The following EXTL1 variants were observed in gnomAD, a reference collection of about 807,000 sequenced individuals.
The protein encoded by EXTL1 is exostosin-like 1.
A neutral mutation model predicts 64.6 loss-of-function variants in EXTL1; 43 were observed. The ratio of observed to expected loss-of-function variants is 0.67; its 90% CI spans 0.52 to 0.86. The LOEUF (loss-of-function observed/expected upper bound fraction) is 0.86, where lower values mean the gene tolerates loss of function less well. Among genes scored for constraint, EXTL1 ranks in the 40% least tolerant of loss-of-function variants. EXTL1 has a pLI of 0.00. For missense variants in EXTL1, 766 were observed against 879.0 expected, an observed-to-expected ratio of 0.87 and a Z score of 1.62; for synonymous variants, 352 against 360.5, an observed-to-expected ratio of 0.98 and a Z score of 0.27.
chr1:26,029,195 C>T lies in EXTL1; in HGVS notation c.782C>T (p.Thr261Ile). ...RCEQDPGPGQ[T>I]QRQETLPNAT... The stretch of plus-strand genomic sequence containing the variant: ...GACCTCCCCATGTGCCTCTTTAGGA[C>T]CCAGCGCCAGGAGACGCTGCCCAAT... Residue 261 changes from threonine (T) to isoleucine (I), a missense_variant and splice_region_variant, in exon 2 of 11, where the codon ACC becomes ATC. By Grantham distance (89) the Thr-to-Ile change is moderately conservative. This residue lies in a region of EXTL1 where 571 missense variants were observed against 647.6 expected (regional missense o/e 0.88). Coordinates refer to ENST00000374280, the MANE Select transcript of EXTL1 (RefSeq NM_004455.3). The T allele has an allele frequency of 6.2e-7, 1 of 1,612,596 alleles. No homozygotes were observed. The highest frequency in any genetic ancestry group is 8.5e-7 in the Non-Finnish European group (1 of 1,178,922).
At chr1:26,030,802 G>A (rs1029441728) in intron 4 of EXTL1, among the ~76,000 whole-genome samples, 3 of 152,122 alleles carry the variant, frequency 2.0e-5, no homozygotes, top group Non-Finnish European at 2.9e-5. Context: ...AGAGAAGACC[G>A]CTGTGGCAAA....
chr1:26,022,539 C>T lies in EXTL1; in HGVS notation c.-108C>T, dbSNP rs552567663. 1.5e-5 allele frequency: 13 copies of T among 864,780 alleles called. No homozygotes were observed. The East Asian group carries it at 2.9e-4, about 20-fold the overall frequency. The allele number at this position is 864,780 out of a possible 1,614,324, so 53.6% of individuals were successfully genotyped here. ...TCTTCCCATCTGTACAATGACAGCA[C>T]AGGACTAGCAGGTCGGTCCCAGCTC... On this transcript the variant is annotated 5_prime_UTR_variant, in exon 1 of 11. The change creates a premature stop within an existing upstream ORF in the 5' untranslated region. Coordinates refer to ENST00000374280, the MANE Select transcript of EXTL1 (RefSeq NM_004455.3).
intron 1 of EXTL1, among the ~76,000 whole-genome samples, chr1:26,026,674 A>G (rs1025127585): frequency 2.0e-5 from 3 of 152,102 alleles, no homozygotes; most frequent in Non-Finnish European, 4.4e-5. Context: ...GGCAGGAGAG[A>G]CTGTGAAGGC....
At chr1:26,032,323 G>A in intron 6 of EXTL1, 73 bp from the exon 7 acceptor site, 1 of 966,600 alleles carries the variant, frequency 1.0e-6, no homozygotes, top group Non-Finnish European at 1.6e-6. Flanking sequence ...CCTTGAGAAA[G>A]ATCACTCCTG....
intron 1 of EXTL1, 73 bp from the exon 2 acceptor site, chr1:26,029,120 T>C (rs928555388): frequency 3.6e-5 from 41 of 1,130,368 alleles, no homozygotes; most frequent in Non-Finnish European, 4.6e-5. Context: ...GGTTCTCCCA[T>C]TGAGGGAGCC....
In EXTL1 at chr1:26,030,581, C is replaced by A. The variant is rs149977883; in HGVS notation, c.1087C>A (p.His363Asn). 126 of 1,612,622 alleles carry A rather than the reference C, an allele frequency of 7.8e-5. No individual in the cohort carries two copies. The highest frequency in any genetic ancestry group is 1.5e-4 in the Admixed American group (9 of 59,958). The change falls in exon 4 of 11, where the codon CAT becomes AAT. Residue 363 changes from histidine (H) to asparagine (N), a missense_variant. Physicochemically the swap from His to Asn is moderately conservative, Grantham distance 68 (BLOSUM62 1). Coordinates refer to ENST00000374280, the MANE Select transcript of EXTL1 (RefSeq NM_004455.3). ...CTTCTCCTCAGTGGAGAAGGTCATC[C>A]ATACCACTCTGGAGGTGAGGGGTCT... ...AYFSSVEKVI[H>N]TTLEVIQDRI...
At position 26,029,696 on chromosome 1, in the gene EXTL1, C is replaced by T. The variant is rs1436992735; in HGVS notation, c.970C>T (p.Leu324Phe). 2 of 1,608,964 alleles carry T rather than the reference C, an allele frequency of 1.2e-6. No individual in the cohort carries two copies. The highest frequency in any genetic ancestry group is 1.7e-4 in the Middle Eastern group (1 of 6,044). ...GGCAGCCATCGTAGCTGATGAGAGGCTCCCACTTCAGGTAGCTCAGAGCCC... is the reference window on the plus strand; with the variant it reads ...GGCAGCCATCGTAGCTGATGAGAGGTTCCCACTTCAGGTAGCTCAGAGCCC... ...TKAAIVADER[L>F]PLQVLAALQE... Residue 324 changes from leucine to phenylalanine, a missense_variant, in exon 3 of 11, where the codon CTC (leucine) becomes TTC (phenylalanine). Transcript: ENST00000374280.
chr1:26,028,439 G>A (rs1484263800), intron 1 of EXTL1, among the ~76,000 whole-genome samples: 1 of 152,202 alleles, frequency 6.6e-6, no homozygotes, highest in Non-Finnish European at 1.5e-5. Context: ...CTAGTCATGA[G>A]TCCCACACTG....
At chr1:26,031,400 G>T in intron 5 of EXTL1, 60 bp from the exon 6 acceptor site, 1 of 1,373,550 alleles carries the variant, frequency 7.3e-7, no homozygotes, top group Non-Finnish European at 1.0e-6. Flanking sequence ...CCCTACTCAG[G>T]TCATTCTTCA....
At chr1:26,029,330 A>G in intron 2 of EXTL1, 44 bp downstream of exon 2, 4 of 1,475,464 alleles carry the variant, frequency 2.7e-6, no homozygotes, top group Non-Finnish European at 3.8e-6. Flanking sequence ...GTCCCCCAGC[A>G]CTCATGAGCT....
In EXTL1 at chr1:26,035,346, AG is replaced by A. The variant is rs570706748; in HGVS notation, c.*5del. On this transcript the variant is annotated frameshift_variant and stop_lost, in exon 11 of 11. Transcript: ENST00000374280. LOFTEE classifies it high-confidence loss of function. This position sits in a 1 kb window ranked among gnomAD's most constrained non-coding sequence, Gnocchi z 5.3. ...AAGTACCGCAGCCTGGAGAAGCCCT[AG>A]GGGGGCGACCCGCGGAGACCCCAGC... ...RKKYRSLEKP[*>X] The A allele has an allele frequency of 6.2e-7, 1 of 1,600,406 alleles. No individual in the cohort carries two copies. Among genetic ancestry groups the A allele is most frequent in the Non-Finnish European group, 8.5e-7 (1 of 1,170,854 alleles).
chr1:26,033,197 A>G lies in EXTL1; in HGVS notation c.1432-32A>G, dbSNP rs1490314589. On this transcript the variant is annotated intron_variant, in intron 7 of 10. Transcript: ENST00000374280. The surrounding 1 kb of genome is among the most constrained non-coding windows in gnomAD (Gnocchi z 5.1). ...GGATGGGGGTGGGGGGAATGTTCCA[A>G]TGGCTGAGTTCCCCTCCCCCACTCC... is the stretch of plus-strand genomic sequence containing the variant. 3.4e-6 allele frequency: 5 copies of G among 1,489,076 alleles called. No homozygotes were observed. The highest frequency in any genetic ancestry group is 4.7e-6 in the Non-Finnish European group (5 of 1,066,354). The allele number at this position is 1,489,076 out of a possible 1,614,324, so 92.2% of individuals were successfully genotyped here. A position where few individuals can be genotyped will look rare whatever the true frequency, so the allele number is the denominator to read the frequency against.
chr1:26,032,076 G>A (rs756019050), intron 6 of EXTL1: 15 of 289,900 alleles, frequency 5.2e-5, no homozygotes, highest in Non-Finnish European at 9.6e-5. Context: ...GCCTGAGGAA[G>A]AGAATGAAGG....
In EXTL1 at chr1:26,025,140, G is replaced by A. The variant is rs987035105; in HGVS notation, c.779+1715G>A. Among the ~76,000 whole-genome samples the A allele has an allele frequency of 5.9e-5, 9 of 152,206 alleles. No homozygotes were observed. Among genetic ancestry groups the A allele is most frequent in the Non-Finnish European group, 1.2e-4 (8 of 68,040 alleles). On this transcript the variant is annotated intron_variant, in intron 1 of 10. Coordinates refer to ENST00000374280, the MANE Select transcript of EXTL1 (RefSeq NM_004455.3). This position sits in a 1 kb window ranked among gnomAD's most constrained non-coding sequence, Gnocchi z 5.3. ...GGACTTGTCATCTCTGGAGTGGTTT[G>A]AGCCTCAGTTTCTCCGAAGTGCCGG...
At chr1:26,028,864 CA>C (rs1166227770) in intron 1 of EXTL1, among the ~76,000 whole-genome samples, 3 of 152,212 alleles carry the variant, frequency 2.0e-5, no homozygotes, top group Non-Finnish European at 4.4e-5. Flanking sequence ...GCCTCGGAAA[CA>C]TCAGCGTCCG....
At chr1:26,032,375 G>A (rs1238117923) in intron 6 of EXTL1, 21 bp from the exon 7 acceptor site, 1 of 1,541,210 alleles carries the variant, frequency 6.5e-7, no homozygotes, top group East Asian at 2.4e-5. Context: ...CAGACTTCAA[G>A]AACAACCCCC....
chr1:26,022,529 A>G lies in EXTL1; in HGVS notation c.-118A>G, dbSNP rs1288185454. 2 of 812,476 alleles carry G rather than the reference A, an allele frequency of 2.5e-6. No individual in the cohort carries two copies. Among genetic ancestry groups the G allele is most frequent in the East Asian group, 2.5e-5 (1 of 40,438 alleles). 50.3% of individuals were successfully genotyped at this position (812,476 alleles called of 1,614,324 possible). ...TGGGCCTCAGTCTTCCCATCTGTAC[A>G]ATGACAGCACAGGACTAGCAGGTCG... On this transcript the variant is annotated 5_prime_UTR_variant, in exon 1 of 11. Transcript: ENST00000374280.
In EXTL1 at chr1:26,034,097, C is replaced by G. The variant is rs2050314904; in HGVS notation, c.1679+241C>G. On this transcript the variant is annotated intron_variant, in intron 9 of 10. Coordinates refer to ENST00000374280, the MANE Select transcript of EXTL1 (RefSeq NM_004455.3). The surrounding 1 kb of genome is among the most constrained non-coding windows in gnomAD (Gnocchi z 4.6). The stretch of plus-strand genomic sequence containing the variant: ...TGTGAACATTAAATGAAGTCCCTGG[C>G]ACAGAGGTTCCACAAATGGTAGCTA... Among the ~76,000 whole-genome samples the G allele has an allele frequency of 6.6e-6, 1 of 152,194 alleles. No homozygotes were observed. Among genetic ancestry groups the G allele is most frequent in the Admixed American group, 6.5e-5 (1 of 15,286 alleles).
rs1569640474 is a variant in EXTL1, at chr1:26,022,326, C to G, written c.-321C>G. ...TGGACAGGGGTTGCGTCAGCCAGAG[C>G]AGTGCCCAGGGGCAGGGGTCCCTGC... On this transcript the variant is annotated 5_prime_UTR_variant, in exon 1 of 11. Transcript: ENST00000374280. 3.2e-6 allele frequency: 1 copy of G among 307,734 alleles called. No homozygotes were observed. The highest frequency in any genetic ancestry group is 6.2e-5 in the East Asian group (1 of 16,082). The allele number at this position is 307,734 out of a possible 1,614,324, so 19.1% of individuals were successfully genotyped here.
Sources: gnomAD v4.1 joint callset for allele counts (sites outside exome capture counted in the v4.1 genomes callset) on GRCh38, gnomAD v4.1.1 for gene constraint, gnomAD v4.1.1 regional missense constraint, Gnocchi (gnomAD v3.1) non-coding constraint, MANE v1.5 for transcripts, NCBI Gene and HGNC (gene_info 2026-07-23, HGNC 2026-07-21) for gene names.